The following PLCXD3 variants were observed in gnomAD, a reference collection of about 807,000 sequenced individuals.
The protein encoded by PLCXD3 is phosphatidylinositol specific phospholipase C X domain containing 3.
PLCXD3 carries 19 observed loss-of-function variants against 25.5 expected under a neutral mutation model. That is an observed-to-expected ratio of 0.75 (90% CI 0.52 to 1.09). The LOEUF (loss-of-function observed/expected upper bound fraction) is 1.09. PLCXD3 is among the 50% of genes least tolerant of loss of function. The pLI, the probability that PLCXD3 is intolerant of heterozygous loss-of-function variation, is 0.00. For missense variants in PLCXD3, 411 were observed against 388.1 expected, an observed-to-expected ratio of 1.06 and a Z score of -0.50; for synonymous variants, 174 against 137.6, an observed-to-expected ratio of 1.26 and a Z score of -1.85.
intron 1 of PLCXD3, among the ~76,000 whole-genome samples, chr5:41,491,286 G>C (rs1014366981): frequency 4.6e-5 from 7 of 152,240 alleles, no homozygotes; most frequent in African/African-American, 1.7e-4. Flanking sequence ...TGATTGCACT[G>C]TGGTCTGAGA....
chr5:41,507,677 T>C (rs931148620), intron 1 of PLCXD3, among the ~76,000 whole-genome samples: 2 of 152,198 alleles, frequency 1.3e-5, no homozygotes, highest in African/African-American at 4.8e-5. Context: ...CAGCTCTTTA[T>C]TTTCCAGCCG....
At chr5:41,371,799 C>T (rs1353475411) in intron 2 of PLCXD3, among the ~76,000 whole-genome samples, 1 of 152,178 alleles carries the variant, frequency 6.6e-6, no homozygotes, top group African/African-American at 2.4e-5. Flanking sequence ...CTCAGGAGCC[C>T]TGCCTGCATA....
chr5:41,336,461 T>C (rs1037320046), intron 2 of PLCXD3, among the ~76,000 whole-genome samples: 6 of 152,166 alleles, frequency 3.9e-5, no homozygotes, highest in African/African-American at 1.2e-4. Context: ...AGACAGTAAA[T>C]ACATGTAGTT....
chr5:41,350,337 A>C (rs552203890), intron 2 of PLCXD3, among the ~76,000 whole-genome samples: 48 of 152,202 alleles, frequency 3.2e-4, no homozygotes, highest in African/African-American at 1.1e-3. Context: ...CATGTCTACT[A>C]TACTCTTCAT....
chr5:41,396,319 TTCTC>T (rs922700408), intron 1 of PLCXD3, among the ~76,000 whole-genome samples: 7 of 150,052 alleles, frequency 4.7e-5, no homozygotes, highest in South Asian at 2.1e-4. Context: ...CACTTCCCCC[TTCTC>T]TCTCTCTCTC....
intron 1 of PLCXD3, among the ~76,000 whole-genome samples, chr5:41,461,383 A>G (rs1367929891): frequency 1.3e-5 from 2 of 151,944 alleles, no homozygotes; most frequent in Admixed American, 1.3e-4. Context: ...AACCTATAAA[A>G]GGGGAGAAAG....
chr5:41,367,195 G>A (rs1391868473), intron 2 of PLCXD3, among the ~76,000 whole-genome samples: 1 of 152,032 alleles, frequency 6.6e-6, no homozygotes, highest in Non-Finnish European at 1.5e-5. Flanking sequence ...TCTGGTTTTA[G>A]GTCTTTGAAG....
chr5:41,323,688 T>C (rs1003694942), intron 2 of PLCXD3, among the ~76,000 whole-genome samples: 26 of 152,084 alleles, frequency 1.7e-4, no homozygotes, highest in Admixed American at 5.9e-4. Context: ...AGACCAGAGA[T>C]AGTGGTTGCT....
intron 2 of PLCXD3, among the ~76,000 whole-genome samples, chr5:41,341,542 T>C (rs1269225357): frequency 6.6e-6 from 1 of 152,212 alleles, no homozygotes; most frequent in Non-Finnish European, 1.5e-5. Context: ...ATTATGTAAA[T>C]TGGAAATAGT....
chr5:41,436,779 T>A (rs1747264457), intron 1 of PLCXD3, among the ~76,000 whole-genome samples: 2 of 152,204 alleles, frequency 1.3e-5, no homozygotes, highest in Non-Finnish European at 2.9e-5. Flanking sequence ...GATATAAACC[T>A]ACTTCAGAAT....
rs1338181883 is a variant in PLCXD3 at position 41,411,930 on chromosome 5, CCATATATATGTATCCATATATATGTA to C, written c.104-29422_104-29397del. 9.4e-3 allele frequency among the ~76,000 whole-genome samples: 32 copies of C among 3,416 alleles called. 4 individuals are homozygous for C. The highest frequency in any genetic ancestry group is 0.06 in the African/African-American group (30 of 502). 2.2% of individuals were successfully genotyped at this position (3,416 alleles called of 152,430 possible). Reference sequence around the variant, plus strand: ...TATATATGTATCCATATATATATCTCCATATATATGTATCCATATATATGTATCCATATATATATATGTATCCATAT... The same window carrying C: ...TATATATGTATCCATATATATATCTCTCCATATATATATATGTATCCATAT... On this transcript the variant is annotated intron_variant, in intron 1 of 2. Transcript: ENST00000377801.
At chr5:41,489,654 T>TAA (rs1263843963) in intron 1 of PLCXD3, among the ~76,000 whole-genome samples, 2 of 152,064 alleles carry the variant, frequency 1.3e-5, no homozygotes, top group East Asian at 3.9e-4. Flanking sequence ...ACATCCCTTG[T>TAA]AAGTTGGATT....
chr5:41,430,555 T>C (rs867123035), intron 1 of PLCXD3, among the ~76,000 whole-genome samples: 4 of 152,140 alleles, frequency 2.6e-5, no homozygotes, highest in Non-Finnish European at 5.9e-5. Context: ...TTCACAAGCA[T>C]GGTTGGAGTT....
rs148713120 is a variant in PLCXD3 at position 41,323,637 on chromosome 5, CTAGGGGCAGAAATCACAAT to C, written c.813-9886_813-9868del. Among the ~76,000 whole-genome samples the C allele has an allele frequency of 6.1e-3, 927 of 152,204 alleles. 14 individuals carry two copies. The highest frequency in any genetic ancestry group is 0.022 in the African/African-American group (896 of 41,532). ...AGACAAGTGATGGGAGAGAGCAACA[CTAGGGGCAGAAATCACAAT>C]TAGATGCTGCTGAAGTAATCCAGAC... On this transcript the variant is annotated intron_variant, in intron 2 of 2. Coordinates refer to ENST00000377801, the MANE Select transcript of PLCXD3 (RefSeq NM_001005473.3).
Position 41,329,782 on chromosome 5 carries a change from AT to A in PLCXD3, c.813-16013del, listed in dbSNP as rs1383474483. Among the ~76,000 whole-genome samples the A allele has an allele frequency of 2.0e-5, 3 of 149,592 alleles. No homozygotes were observed. In the Admixed American group the frequency reaches 2.0e-4, roughly 10 times the overall value. On this transcript the variant is annotated intron_variant, in intron 2 of 2. Coordinates refer to ENST00000377801, the MANE Select transcript of PLCXD3 (RefSeq NM_001005473.3). ...AGTTTATTAGAATTAATTTTTTTATATAATCAGATGTATTTAATCTATTTTA... is the reference window on the plus strand; with the variant it reads ...AGTTTATTAGAATTAATTTTTTTATAAATCAGATGTATTTAATCTATTTTA...
At chr5:41,347,385 A>G (rs1182892999) in intron 2 of PLCXD3, among the ~76,000 whole-genome samples, 1 of 152,206 alleles carries the variant, frequency 6.6e-6, no homozygotes, top group East Asian at 1.9e-4. Context: ...CTGGACATTT[A>G]TTAGATCAGA....
chr5:41,311,183 G>A lies in PLCXD3; in HGVS notation c.*2434C>T, dbSNP rs1743128754. The A allele has an allele frequency of 6.6e-6, 1 of 152,072 alleles. No individual in the cohort carries two copies. Among genetic ancestry groups the A allele is most frequent in the Non-Finnish European group, 1.5e-5 (1 of 67,990 alleles). The allele number at this position is 152,072 out of a possible 1,614,324, so 9.4% of individuals were successfully genotyped here. ...AAGGATGAATGAATAGCCAGTTAGA[G>A]AGAAAGTCTGCCCAAAAACCAAATT... On this transcript the variant is annotated 3_prime_UTR_variant, in exon 3 of 3. Transcript: ENST00000377801.
At chr5:41,326,028 G>A (rs1046871618) in intron 2 of PLCXD3, among the ~76,000 whole-genome samples, 11 of 152,066 alleles carry the variant, frequency 7.2e-5, no homozygotes, top group East Asian at 1.9e-4. Context: ...CAACCTAATC[G>A]CCTCCCAAAG....
chr5:41,401,225 T>C (rs1479391908), intron 1 of PLCXD3, among the ~76,000 whole-genome samples: 1 of 152,080 alleles, frequency 6.6e-6, no homozygotes, highest in Non-Finnish European at 1.5e-5. Context: ...TGAAATTCAA[T>C]GCATTTGTTT....
Sources: gnomAD v4.1 joint callset for allele counts (sites outside exome capture counted in the v4.1 genomes callset) on GRCh38, gnomAD v4.1.1 for gene constraint, MANE v1.5 for transcripts, NCBI Gene and HGNC (gene_info 2026-07-23, HGNC 2026-07-21) for gene names.